The following GPSM2 variants were observed in gnomAD, a reference collection of about 807,000 sequenced individuals.
GPSM2 encodes G protein signaling modulator 2.
A neutral mutation model predicts 78.4 loss-of-function variants in GPSM2; 58 were observed. That is an observed-to-expected ratio of 0.74 (90% CI 0.60 to 0.92). GPSM2 has a LOEUF of 0.92. Ranked by LOEUF, GPSM2 falls within the 40% of genes least tolerant of loss-of-function variation. GPSM2 has a pLI of 0.00. For synonymous variants in GPSM2, 224 were observed against 280.2 expected (o/e 0.80, Z 2.00); for missense variants, 700 against 815.5 (o/e 0.86, Z 1.73).
At position 108,898,676 on chromosome 1, in the gene GPSM2, C is replaced by G. The variant is rs148114086; in HGVS notation, c.592C>G (p.Arg198Gly). ...ATCATTAGTGACTGCTTTGGGTGACCGAGCGGCACAAGGACGTGCCTTTGG... is the reference window on the plus strand; with the variant it reads ...ATCATTAGTGACTGCTTTGGGTGACGGAGCGGCACAAGGACGTGCCTTTGG... ...NLSLVTALGD[R>G]AAQGRAFGNL... Residue 198 changes from arginine (R) to glycine (G), a missense_variant, in exon 6 of 15, where the codon CGA becomes GGA. Coordinates refer to ENST00000264126, the MANE Select transcript of GPSM2 (RefSeq NM_013296.5). 5.6e-6 allele frequency: 9 copies of G among 1,613,538 alleles called. No individual in the cohort carries two copies. Among genetic ancestry groups the G allele is most frequent in the African/African-American group, 1.3e-5 (1 of 74,852 alleles).
rs774480575 is a variant in GPSM2, at chr1:108,914,385, C to T, written c.1240C>T (p.Leu414Phe). 3 of 1,611,396 alleles carry T rather than the reference C, an allele frequency of 1.9e-6. No individual in the cohort carries two copies. The highest frequency in any genetic ancestry group is 1.1e-5 in the South Asian group (1 of 90,902). ...GRRHSMENME[L>F]MKLTPEKVQN... is the part of the protein sequence containing the mutation. ...CCGGCATAGTATGGAAAATATGGAACTTATGAAGTTAACACCAGAAAAGGT... is the reference window on the plus strand; with the variant it reads ...CCGGCATAGTATGGAAAATATGGAATTTATGAAGTTAACACCAGAAAAGGT... Residue 414 changes from leucine (L) to phenylalanine (F), a missense_variant, in exon 11 of 15, where the codon CTT becomes TTT. By Grantham distance (22) the Leu-to-Phe change is conservative. Transcript: ENST00000264126.
chr1:108,912,333 C>G (rs1648781976), intron 10 of GPSM2, among the ~76,000 whole-genome samples: 1 of 152,024 alleles, frequency 6.6e-6, no homozygotes, highest in Non-Finnish European at 1.5e-5. Context: ...ACAAATAGAC[C>G]AGTGGAATCG....
At position 108,914,323 on chromosome 1, in the gene GPSM2, T is replaced by C. The variant is rs372338662; in HGVS notation, c.1193-15T>C. On this transcript the variant is annotated splice_polypyrimidine_tract_variant and intron_variant, in intron 10 of 14. Coordinates refer to ENST00000264126, the MANE Select transcript of GPSM2 (RefSeq NM_013296.5). ...GGCTCCCTGGTTTATTTGAATTAAT[T>C]TTTTTTAAACAAAGGTGTACGCCCC... 3.9e-5 allele frequency: 62 copies of C among 1,585,754 alleles called. No homozygotes were observed. The highest frequency in any genetic ancestry group is 2.8e-4 in the African/African-American group (21 of 74,390).
At position 108,919,683 on chromosome 1, in the gene GPSM2, C is replaced by T. The variant is rs558977954; in HGVS notation, c.1440+894C>T. On this transcript the variant is annotated intron_variant, in intron 12 of 14. Transcript: ENST00000264126. ...TCATGCCACTACACTCCAGCCTGGGCAACAGAGCAAGACCCTGTCTCAAAA... is the reference window on the plus strand; with the variant it reads ...TCATGCCACTACACTCCAGCCTGGGTAACAGAGCAAGACCCTGTCTCAAAA... Among the ~76,000 whole-genome samples, 14 of 150,696 alleles carry T rather than the reference C, an allele frequency of 9.3e-5. No individual in the cohort carries two copies. The South Asian group carries it at 2.1e-3, about 23-fold the overall frequency.
intron 1 of GPSM2, among the ~76,000 whole-genome samples, chr1:108,880,702 A>T (rs1312705470): frequency 6.6e-6 from 1 of 152,254 alleles, no homozygotes; most frequent in East Asian, 1.9e-4. Context: ...GTTGGTAATA[A>T]TAAATGGCTA....
At position 108,897,085 on chromosome 1, in the gene GPSM2, G is replaced by A. The variant is rs757227955; in HGVS notation, c.278G>A (p.Arg93Lys). 13 of 1,581,428 alleles carry A rather than the reference G, an allele frequency of 8.2e-6. No homozygotes were observed. Among genetic ancestry groups the A allele is most frequent in the Non-Finnish European group, 1.0e-5 (12 of 1,151,540 alleles). ...EYHHHDLTLA[R>K]TIGDQLGEAK... is the part of the protein sequence containing the mutation. The stretch of plus-strand genomic sequence containing the variant: ...CACCATCATGATTTAACCCTTGCAA[G>A]GTAATTAATTTAAGCTTTTAAATAT... The change falls in exon 3 of 15, where the codon AGG (arginine) becomes AAG (lysine). Residue 93 changes from arginine to lysine, a missense_variant and splice_region_variant. By Grantham distance (26) the Arg-to-Lys change is conservative. Coordinates refer to ENST00000264126, the MANE Select transcript of GPSM2 (RefSeq NM_013296.5).
At position 108,922,474 on chromosome 1, in the gene GPSM2, C is replaced by G; in HGVS notation, c.1498C>G (p.Gln500Glu). 1 of 1,612,200 alleles carries G rather than the reference C, an allele frequency of 6.2e-7. No individual in the cohort carries two copies. Among genetic ancestry groups the G allele is most frequent in the South Asian group, 1.1e-5 (1 of 91,034 alleles). Reference sequence around the variant, plus strand: ...GTTCTTTGACTTATTAAGCCGATTTCAAAGCAATAGGATGGATGATCAGAG... The same window carrying G: ...GTTCTTTGACTTATTAAGCCGATTTGAAAGCAATAGGATGGATGATCAGAG... ...EGFFDLLSRFQSNRMDDQRCC... is the reference protein window; with the variant it reads ...EGFFDLLSRFESNRMDDQRCC... The change falls in exon 13 of 15, where the codon CAA becomes GAA. Residue 500 changes from glutamine (Q) to glutamate (E), a missense_variant. Physicochemically the swap from Gln to Glu is conservative, Grantham distance 29. Transcript: ENST00000264126.
intron 10 of GPSM2, among the ~76,000 whole-genome samples, chr1:108,904,462 T>A (rs1006917954): frequency 1.3e-5 from 2 of 148,542 alleles, no homozygotes; most frequent in African/African-American, 4.9e-5. Context: ...AATATATAAT[T>A]TATAAGTGTA....
At chr1:108,887,421 T>G (rs1647648319) in intron 2 of GPSM2, among the ~76,000 whole-genome samples, 1 of 152,128 alleles carries the variant, frequency 6.6e-6, no homozygotes, top group African/African-American at 2.4e-5. Context: ...GCGCTAACCC[T>G]CCTGCACCTC....
rs142771248 is a variant in GPSM2 at position 108,889,789 on chromosome 1, C to T, written c.56+4211C>T. On this transcript the variant is annotated intron_variant, in intron 2 of 14. Transcript: ENST00000264126. ...CTCAATCTCAAAACACAGAGCTAAC[C>T]GTGCAACCTCTCTGCTTAATACCTA... 7.9e-5 allele frequency among the ~76,000 whole-genome samples: 12 copies of T among 152,250 alleles called. No individual in the cohort carries two copies. In the East Asian group the frequency reaches 1.5e-3, roughly 20 times the overall value.
At chr1:108,904,375 C>CT (rs1649065780) in intron 10 of GPSM2, 121 bp downstream of exon 10, 2 of 537,094 alleles carry the variant, frequency 3.7e-6, no homozygotes, top group South Asian at 2.3e-5. Flanking sequence ...ACTTATTACA[C>CT]TTTTTTGCTG....
chr1:108,905,849 C>T (rs1649178369), intron 10 of GPSM2, among the ~76,000 whole-genome samples: 1 of 152,178 alleles, frequency 6.6e-6, no homozygotes, highest in Non-Finnish European at 1.5e-5. Flanking sequence ...AGAAATGTGG[C>T]TACTACAAGA....
At chr1:108,900,024 A>G (rs182291523) in intron 7 of GPSM2, among the ~76,000 whole-genome samples, 7 of 152,270 alleles carry the variant, frequency 4.6e-5, no homozygotes, top group Non-Finnish European at 2.9e-5. Context: ...AAGCCAAGGG[A>G]TATAGAGAAG....
chr1:108,877,295 GGTGCGT>G (rs772331206), intron 1 of GPSM2, 67 bp downstream of exon 1: 1 of 152,336 alleles, frequency 6.6e-6, no homozygotes, highest in African/African-American at 2.4e-5. Flanking sequence ...GACAGGGAGG[GGTGCGT>G]GTGCGTGCGT....
chr1:108,893,806 G>A (rs1175396717), intron 2 of GPSM2, among the ~76,000 whole-genome samples: 7 of 152,160 alleles, frequency 4.6e-5, no homozygotes, highest in Non-Finnish European at 8.8e-5. Flanking sequence ...TGTAATCCCA[G>A]CACTTTGAGA....
Position 108,930,044 on chromosome 1 carries a change from AT to A in GPSM2, c.*109del. ...ATAGCACTGTAATACAGCTTAAAAT[AT>A]TTTTAGAATGATGTAAATAGTTAAC... On this transcript the variant is annotated 3_prime_UTR_variant, in exon 15 of 15. Transcript: ENST00000264126. 2.0e-6 allele frequency: 2 copies of A among 1,018,898 alleles called. No homozygotes were observed. The highest frequency in any genetic ancestry group is 2.9e-6 in the Non-Finnish European group (2 of 678,436). 63.1% of individuals were successfully genotyped at this position (1,018,898 alleles called of 1,614,324 possible). A position where few individuals can be genotyped will look rare whatever the true frequency, so the allele number is the denominator to read the frequency against.
chr1:108,917,866 T>C (rs1650396707), intron 11 of GPSM2, among the ~76,000 whole-genome samples: 2 of 151,408 alleles, frequency 1.3e-5, no homozygotes, highest in Admixed American at 1.3e-4. Context: ...ATGTTCTTTG[T>C]ATTGATTGGA....
rs1041804948 is a variant in GPSM2 at position 108,931,923 on chromosome 1, C to A, written c.*1983C>A. 1.9e-5 allele frequency: 3 copies of A among 155,380 alleles called. No homozygotes were observed. Among genetic ancestry groups the A allele is most frequent in the African/African-American group, 7.2e-5 (3 of 41,448 alleles). The allele number at this position is 155,380 out of a possible 1,614,324, so 9.6% of individuals were successfully genotyped here. A position where few individuals can be genotyped will look rare whatever the true frequency, so the allele number is the denominator to read the frequency against. On this transcript the variant is annotated 3_prime_UTR_variant, in exon 15 of 15. Coordinates refer to ENST00000264126, the MANE Select transcript of GPSM2 (RefSeq NM_013296.5). ...CAGCCTGTAAACATTCAACATTATT[C>A]CATTTAAACATTGTTTTTAACAGCT...
In GPSM2 at chr1:108,929,968, CAAACACGGTAAGG is replaced by C. The variant is rs1466830200; in HGVS notation, c.*34_*46del. 2 of 1,600,148 alleles carry C rather than the reference CAAACACGGTAAGG, an allele frequency of 1.2e-6. No individual in the cohort carries two copies. Among genetic ancestry groups the C allele is most frequent in the Non-Finnish European group, 1.7e-6 (2 of 1,168,462 alleles). On this transcript the variant is annotated 3_prime_UTR_variant, in exon 15 of 15. Coordinates refer to ENST00000264126, the MANE Select transcript of GPSM2 (RefSeq NM_013296.5). ...ACTATGGATTTATTTTTTTTCCTTT[CAAACACGGTAAGG>C]AAACAATCTATTACTTTTTTCCTTA...
Sources: allele counts gnomAD v4.1 joint callset (sites outside exome capture counted in the v4.1 genomes callset), GRCh38; gene constraint gnomAD v4.1.1; transcripts MANE v1.5; gene names NCBI Gene and HGNC (gene_info 2026-07-23, HGNC 2026-07-21).